Variants in MED27 observed in about 807,000 individuals in gnomAD.
MED27 encodes the protein mediator of RNA polymerase II transcription subunit 27.
In MED27, 30 loss-of-function variants were observed where a neutral mutation model predicts 38.2. The ratio of observed to expected loss-of-function variants is 0.79; its 90% CI spans 0.59 to 1.07. MED27 has a LOEUF of 1.07. Among genes scored for constraint, MED27 ranks in the 50% least tolerant of loss-of-function variants. MED27 has a pLI of 0.00. For synonymous variants in MED27, 122 were observed against 153.5 expected, an observed-to-expected ratio of 0.79 and a Z score of 1.52; for missense variants, 289 against 397.5, an observed-to-expected ratio of 0.73 and a Z score of 2.32.
intron 2 of MED27, among the ~76,000 whole-genome samples, chr9:132,024,840 C>T (rs1186239938): frequency 6.6e-6 from 1 of 152,208 alleles, no homozygotes; most frequent in African/African-American, 2.4e-5. Context: ...CTACACACAA[C>T]CTAAATGCCC....
intron 2 of MED27, among the ~76,000 whole-genome samples, chr9:132,056,814 C>T (rs1295938259): frequency 6.6e-6 from 1 of 152,178 alleles, no homozygotes; most frequent in East Asian, 1.9e-4. Flanking sequence ...ATTCAGTGGA[C>T]CAGAACAAAG....
At chr9:131,900,107 A>C (rs1275918649) in intron 4 of MED27, among the ~76,000 whole-genome samples, 2 of 152,220 alleles carry the variant, frequency 1.3e-5, no homozygotes, top group Non-Finnish European at 2.9e-5. Context: ...GTAGAGAGTC[A>C]GGGGAGGCAC....
chr9:131,868,140 G>C (rs901347270), intron 6 of MED27, among the ~76,000 whole-genome samples: 2 of 152,176 alleles, frequency 1.3e-5, no homozygotes, highest in African/African-American at 4.8e-5. Context: ...CCTTATTTCT[G>C]AAAAGTGCTT....
intron 4 of MED27, among the ~76,000 whole-genome samples, chr9:131,922,711 A>G (rs1487418644): frequency 2.0e-5 from 3 of 151,850 alleles, no homozygotes; most frequent in Admixed American, 6.6e-5. Flanking sequence ...ATATGTATAC[A>G]TGTGCCATGT....
chr9:131,896,938 A>AC (rs1450858951), intron 4 of MED27, among the ~76,000 whole-genome samples: 2 of 152,008 alleles, frequency 1.3e-5, no homozygotes, highest in East Asian at 3.9e-4. Context: ...CACCATGTTG[A>AC]CCAGGCTGGT....
chr9:131,968,471 CAAAAA>C (rs10556528), intron 3 of MED27, among the ~76,000 whole-genome samples: 25 of 98,402 alleles, frequency 2.5e-4, no homozygotes, highest in African/African-American at 8.1e-4. Context: ...GACCCTGTCT[CAAAAA>C]AAAAAAAAAA....
At chr9:132,005,944 T>A (rs935808842) in intron 3 of MED27, among the ~76,000 whole-genome samples, 1 of 152,180 alleles carries the variant, frequency 6.6e-6, no homozygotes, top group Non-Finnish European at 1.5e-5. Flanking sequence ...TGTTCTAGAA[T>A]GCAAACAATG....
chr9:132,002,310 T>C (rs1832253903), intron 3 of MED27, among the ~76,000 whole-genome samples: 1 of 152,094 alleles, frequency 6.6e-6, no homozygotes, highest in Admixed American at 6.5e-5. Context: ...TGAAAACAGG[T>C]TTTTCATGTT....
chr9:132,073,462 A>T, intron 2 of MED27: 2 of 1,147,832 alleles, frequency 1.7e-6, no homozygotes, highest in Non-Finnish European at 2.1e-6. Context: ...AACAAGATGG[A>T]CATGGTGCCT....
intron 6 of MED27, among the ~76,000 whole-genome samples, chr9:131,863,876 G>A (rs1455433665): frequency 6.6e-6 from 1 of 152,162 alleles, no homozygotes; most frequent in Non-Finnish European, 1.5e-5. Flanking sequence ...AAGGCCAAGG[G>A]CAAGGCTGCT....
At chr9:131,986,999 A>ATT (rs66519112) in intron 3 of MED27, among the ~76,000 whole-genome samples, 3,171 of 46,246 alleles carry the variant, frequency 0.069, 791 homozygotes, top group Non-Finnish European at 0.082. Flanking sequence ...GAGTTCATGG[A>ATT]TTTTTTTTTT....
chr9:132,069,031 A>G (rs1421825962), intron 2 of MED27, among the ~76,000 whole-genome samples: 6 of 152,234 alleles, frequency 3.9e-5, no homozygotes, highest in African/African-American at 1.2e-4. Context: ...AATTTTGCAT[A>G]AGGACAAATG....
At chr9:132,042,102 G>A (rs1046809054) in intron 2 of MED27, among the ~76,000 whole-genome samples, 5 of 152,220 alleles carry the variant, frequency 3.3e-5, no homozygotes, top group Non-Finnish European at 5.9e-5. Context: ...CACGGCACGG[G>A]AAGCACAGAC....
chr9:131,966,260 G>A (rs1281752367), intron 3 of MED27, among the ~76,000 whole-genome samples: 2 of 145,464 alleles, frequency 1.4e-5, no homozygotes, highest in African/African-American at 5.1e-5. Context: ...ATGGTGGCAT[G>A]TGCCTGTAGT....
At chr9:132,045,597 A>G (rs1322791762) in intron 2 of MED27, among the ~76,000 whole-genome samples, 1 of 152,214 alleles carries the variant, frequency 6.6e-6, no homozygotes, top group Non-Finnish European at 1.5e-5. Flanking sequence ...TTAGGCCTCT[A>G]TTATGTTTGT....
chr9:131,909,461 GT>G (rs755957866), intron 4 of MED27, among the ~76,000 whole-genome samples: 3 of 152,214 alleles, frequency 2.0e-5, no homozygotes, highest in Non-Finnish European at 4.4e-5. Context: ...CCCAAAAGTG[GT>G]GGGCCCCTGG....
intron 2 of MED27, among the ~76,000 whole-genome samples, chr9:132,054,685 C>T (rs1419994044): frequency 2.0e-5 from 3 of 152,206 alleles, no homozygotes; most frequent in Non-Finnish European, 4.4e-5. Flanking sequence ...GCTAAGATTA[C>T]AGGCATGAGC....
chr9:131,906,962 C>A (rs535529678), intron 4 of MED27, among the ~76,000 whole-genome samples: 2 of 152,244 alleles, frequency 1.3e-5, no homozygotes, highest in African/African-American at 4.8e-5. Context: ...CCTGACATTG[C>A]CAGGGCATTT....
At chr9:132,023,608 C>A (rs566245011) in intron 2 of MED27, among the ~76,000 whole-genome samples, 1 of 152,274 alleles carries the variant, frequency 6.6e-6, no homozygotes, top group East Asian at 1.9e-4. Flanking sequence ...AACCAACAGT[C>A]TGCTGGGAGA....
Sources: allele counts gnomAD v4.1 joint callset (sites outside exome capture counted in the v4.1 genomes callset), GRCh38; gene constraint gnomAD v4.1.1; transcripts MANE v1.5; gene names NCBI Gene and HGNC (gene_info 2026-07-23, HGNC 2026-07-21).